SCAPER: variants seen among roughly 807,000 people sequenced by gnomAD.
The protein encoded by SCAPER is S-phase cyclin A associated protein in the ER, also known as S phase cyclin A-associated protein in the endoplasmic reticulum.
In SCAPER, 98 loss-of-function variants were observed where a neutral mutation model predicts 182.2. The observed-to-expected ratio is 0.54, with a 90% CI of 0.46 to 0.64. SCAPER has a LOEUF of 0.64. Among genes scored for constraint, SCAPER ranks in the 30% least tolerant of loss-of-function variants. SCAPER has a pLI of 0.00. For synonymous variants in SCAPER, 605 were observed against 564.6 expected, an observed-to-expected ratio of 1.07 and a Z score of -1.01; for missense variants, 1,432 against 1,690.0, an observed-to-expected ratio of 0.85 and a Z score of 2.68.
At chr15:76,497,984 C>T (rs1002222929) in intron 24 of SCAPER, among the ~76,000 whole-genome samples, 65 of 68,570 alleles carry the variant, frequency 9.5e-4, no homozygotes, top group African/African-American at 3.4e-3. Context: ...AGCGAGACTC[C>T]GTCTCAAAAA....
chr15:76,817,812 TA>T (rs921164936), intron 5 of SCAPER, among the ~76,000 whole-genome samples: 13 of 151,998 alleles, frequency 8.6e-5, no homozygotes, highest in South Asian at 2.1e-4. Flanking sequence ...AAAACTCTGA[TA>T]AAAAAAATTA....
intron 5 of SCAPER, among the ~76,000 whole-genome samples, chr15:76,807,299 G>A (rs1365800954): frequency 6.6e-6 from 1 of 152,146 alleles, no homozygotes; most frequent in African/African-American, 2.4e-5. Flanking sequence ...CACCAACTGA[G>A]ATAATCTGTG....
intron 20 of SCAPER, among the ~76,000 whole-genome samples, chr15:76,682,517 A>C (rs1027890683): frequency 6.6e-6 from 1 of 152,188 alleles, no homozygotes; most frequent in Admixed American, 6.5e-5. Context: ...CAGGAAGGCC[A>C]CAGTCCAGCT....
intron 20 of SCAPER, among the ~76,000 whole-genome samples, chr15:76,688,845 T>C (rs376191732): frequency 3.0e-5 from 4 of 133,148 alleles, no homozygotes; most frequent in South Asian, 5.0e-4. Flanking sequence ...ATGCCTCTCT[T>C]TTTTTTTTTT....
At chr15:76,726,133 A>G (rs1051220504) in intron 17 of SCAPER, among the ~76,000 whole-genome samples, 6 of 119,432 alleles carry the variant, frequency 5.0e-5, no homozygotes, top group African/African-American at 1.9e-4. Context: ...GAATATATAT[A>G]TATATATATA....
At chr15:76,725,650 A>G (rs2060540688) in intron 17 of SCAPER, among the ~76,000 whole-genome samples, 1 of 152,144 alleles carries the variant, frequency 6.6e-6, no homozygotes, top group African/African-American at 2.4e-5. Flanking sequence ...AGACATGTAT[A>G]TAGTCCAATG....
At chr15:76,526,603 GTTC>G (rs1047527901) in intron 23 of SCAPER, among the ~76,000 whole-genome samples, 19 of 152,032 alleles carry the variant, frequency 1.2e-4, no homozygotes, top group African/African-American at 3.6e-4. Flanking sequence ...CTTTTTATCT[GTTC>G]TTCTGCTATT....
chr15:76,425,116 G>T (rs143886993), intron 26 of SCAPER, among the ~76,000 whole-genome samples: 1 of 152,142 alleles, frequency 6.6e-6, no homozygotes, highest in Non-Finnish European at 1.5e-5. Context: ...TCTTCTCGAG[G>T]AGTATCTTTG....
chr15:76,701,741 AC>A lies in SCAPER; in HGVS notation c.2508+16del, dbSNP rs1384820502. ...GTACTCAATAAACAATTGTAAATGA[AC>A]AAAAATAAAGTTTACCACTTCTTCA... is the stretch of plus-strand genomic sequence containing the variant. On this transcript the variant is annotated intron_variant, in intron 20 of 31. Coordinates refer to ENST00000563290, the MANE Select transcript of SCAPER (RefSeq NM_020843.4). The A allele has an allele frequency of 5.0e-6, 8 of 1,595,936 alleles. No individual in the cohort carries two copies. The highest frequency in any genetic ancestry group is 6.9e-6 in the Non-Finnish European group (8 of 1,163,682).
At chr15:76,692,776 T>A (rs2058445693) in intron 20 of SCAPER, among the ~76,000 whole-genome samples, 1 of 140,750 alleles carries the variant, frequency 7.1e-6, no homozygotes, top group Non-Finnish European at 1.6e-5. Flanking sequence ...AACATCAAAA[T>A]TCCAAGAAAG....
intron 20 of SCAPER, among the ~76,000 whole-genome samples, chr15:76,678,779 C>T (rs2057517055): frequency 6.6e-6 from 1 of 152,128 alleles, no homozygotes; most frequent in South Asian, 2.1e-4. Flanking sequence ...CACTTTATCA[C>T]ATATTTTATA....
Position 76,765,076 on chromosome 15 carries a change from T to C in SCAPER, c.1614-4A>G, listed in dbSNP as rs1362181878. ...CTTCTTAGATTCTGCAATTGTTCTA[T>C]TAATACAAACAAATGGACAAGAGAC... On this transcript the variant is annotated splice_polypyrimidine_tract_variant and splice_region_variant and intron_variant, in intron 13 of 31. Transcript: ENST00000563290. 1 of 1,543,340 alleles carries C rather than the reference T, an allele frequency of 6.5e-7. No individual in the cohort carries two copies. The highest frequency in any genetic ancestry group is 1.9e-5 in the Admixed American group (1 of 51,988).
chr15:76,691,601 T>A (rs917002086), intron 20 of SCAPER, among the ~76,000 whole-genome samples: 6 of 152,136 alleles, frequency 3.9e-5, no homozygotes, highest in Non-Finnish European at 8.8e-5. Context: ...AATAAATTCT[T>A]GGAATATAAA....
intron 3 of SCAPER, among the ~76,000 whole-genome samples, chr15:76,859,721 G>GGTTTC (rs965193030): frequency 6.6e-6 from 1 of 151,850 alleles, no homozygotes; most frequent in Non-Finnish European, 1.5e-5. Context: ...CAGTTTTTTG[G>GGTTTC]GTTTTGTTTT....
chr15:76,821,984 G>C (rs2067598860), intron 5 of SCAPER, among the ~76,000 whole-genome samples: 1 of 152,194 alleles, frequency 6.6e-6, no homozygotes, highest in Non-Finnish European at 1.5e-5. Context: ...ATCAGTGGCT[G>C]CTGGGGTTAG....
At chr15:76,872,896 C>T (rs2072827890) in intron 2 of SCAPER, among the ~76,000 whole-genome samples, 1 of 151,748 alleles carries the variant, frequency 6.6e-6, no homozygotes, top group Non-Finnish European at 1.5e-5. Flanking sequence ...GTGGATAAGG[C>T]CTTTACATTC....
chr15:76,547,471 C>T (rs558890734), intron 23 of SCAPER, among the ~76,000 whole-genome samples: 13 of 152,044 alleles, frequency 8.6e-5, no homozygotes, highest in Admixed American at 2.0e-4. Flanking sequence ...TTTGTTTATG[C>T]TGCATTACTT....
At chr15:76,880,618 C>A (rs2073471889) in intron 2 of SCAPER, among the ~76,000 whole-genome samples, 1 of 151,926 alleles carries the variant, frequency 6.6e-6, no homozygotes, top group East Asian at 1.9e-4. Context: ...TTTACTATAT[C>A]TTACCTGCTA....
At chr15:76,877,199 C>T (rs867915839) in intron 2 of SCAPER, among the ~76,000 whole-genome samples, 1 of 150,072 alleles carries the variant, frequency 6.7e-6, no homozygotes, top group Non-Finnish European at 1.5e-5. Flanking sequence ...TGACAGAGAC[C>T]CTGTCTTTAA....
Sources: allele counts gnomAD v4.1 joint callset (sites outside exome capture counted in the v4.1 genomes callset), GRCh38; gene constraint gnomAD v4.1.1; transcripts MANE v1.5; gene names NCBI Gene and HGNC (gene_info 2026-07-23, HGNC 2026-07-21).